SLC22A3: variants seen among roughly 807,000 people sequenced by gnomAD.
SLC22A3 encodes solute carrier family 22 member 3, also known as EMT organic cation transporter 3.
In SLC22A3, 51 loss-of-function variants were observed where a neutral mutation model predicts 59.1. The ratio of observed to expected loss-of-function variants is 0.86; its 90% CI spans 0.69 to 1.09. The LOEUF is 1.09. Among genes scored for constraint, SLC22A3 ranks in the 50% least tolerant of loss-of-function variants. SLC22A3 has a pLI of 0.00. For synonymous variants in SLC22A3, 325 were observed against 292.0 expected (o/e 1.11, Z -1.15); for missense variants, 711 against 726.3 (o/e 0.98, Z 0.24).
intron 2 of SLC22A3, among the ~76,000 whole-genome samples, chr6:160,406,386 C>G (rs1787014745): frequency 6.6e-6 from 1 of 152,200 alleles, no homozygotes; most frequent in African/African-American, 2.4e-5. Flanking sequence ...TCACACCAGT[C>G]TCTCAGAATG....
At chr6:160,413,657 T>TA (rs1183869424) in intron 5 of SLC22A3, among the ~76,000 whole-genome samples, 1 of 152,222 alleles carries the variant, frequency 6.6e-6, no homozygotes, top group East Asian at 1.9e-4. Context: ...CTGTGGTTCT[T>TA]AAAATTCAAT....
intron 9 of SLC22A3, among the ~76,000 whole-genome samples, chr6:160,444,844 C>T (rs1788683421): frequency 6.6e-6 from 1 of 152,220 alleles, no homozygotes; most frequent in African/African-American, 2.4e-5. Context: ...ATGCAAAAGT[C>T]CTTTGACAGT....
intron 5 of SLC22A3, among the ~76,000 whole-genome samples, chr6:160,423,574 T>C (rs1787836431): frequency 6.6e-6 from 1 of 152,242 alleles, no homozygotes; most frequent in Non-Finnish European, 1.5e-5. Flanking sequence ...TTTTCTCTGA[T>C]GGCCAGTGAT....
chr6:160,358,757 C>T lies in SLC22A3; in HGVS notation c.429+9909C>T, dbSNP rs1164505393. On this transcript the variant is annotated intron_variant, in intron 1 of 10. Coordinates refer to ENST00000275300, the MANE Select transcript of SLC22A3 (RefSeq NM_021977.4). ...TGCTCTTTGTCACTAACTGTGGTGC[C>T]CAAGTCCTCCCCTTGCCTGGTCTAG... is the stretch of plus-strand genomic sequence containing the variant. Among the ~76,000 whole-genome samples, 4 of 152,222 alleles carry T rather than the reference C, an allele frequency of 2.6e-5. No homozygotes were observed. The East Asian group carries it at 7.7e-4, about 29-fold the overall frequency.
In SLC22A3 at chr6:160,407,185, C is replaced by T; in HGVS notation, c.678C>T (p.Cys226=). The T allele has an allele frequency of 6.2e-7, 1 of 1,608,508 alleles. No homozygotes were observed. The highest frequency in any genetic ancestry group is 8.5e-7 in the Non-Finnish European group (1 of 1,177,546). ...GVFGKGTWMT[C]YVIVTEIVGS... is the part of the protein sequence containing the mutation. The stretch of plus-strand genomic sequence containing the variant: ...TTGGAAAGGGGACGTGGATGACTTG[C>T]TACGTGATTGGTAAGACATTCTTAC... Residue 226 remains cysteine (C), a synonymous_variant, in exon 3 of 11, where the codon TGC becomes TGT. Coordinates refer to ENST00000275300, the MANE Select transcript of SLC22A3 (RefSeq NM_021977.4).
At chr6:160,355,903 C>T (rs1043659402) in intron 1 of SLC22A3, among the ~76,000 whole-genome samples, 1 of 152,194 alleles carries the variant, frequency 6.6e-6, no homozygotes, top group Non-Finnish European at 1.5e-5. Context: ...CTGGGCTTGG[C>T]TTCCTTTATC....
At position 160,408,939 on chromosome 6, in the gene SLC22A3, A is replaced by G. The variant is rs547047915; in HGVS notation, c.857+18A>G. On this transcript the variant is annotated intron_variant, in intron 4 of 10. Transcript: ENST00000275300. Reference sequence around the variant, plus strand: ...TATTACTGGTAATGTGGTTTTGGTTATCATCATATTTATACTGATTCTGCA... The same window carrying G: ...TATTACTGGTAATGTGGTTTTGGTTGTCATCATATTTATACTGATTCTGCA... 1.2e-6 allele frequency: 2 copies of G among 1,610,040 alleles called. No homozygotes were observed. Among genetic ancestry groups the G allele is most frequent in the East Asian group, 4.5e-5 (2 of 44,820 alleles).
chr6:160,380,849 G>A (rs1047413701), intron 1 of SLC22A3, among the ~76,000 whole-genome samples: 2 of 152,098 alleles, frequency 1.3e-5, no homozygotes, highest in Admixed American at 6.6e-5. Context: ...AAAATACAAC[G>A]GCATTGGGAC....
At chr6:160,364,121 T>C (rs750459314) in intron 1 of SLC22A3, among the ~76,000 whole-genome samples, 2 of 152,254 alleles carry the variant, frequency 1.3e-5, no homozygotes, top group South Asian at 2.1e-4. Context: ...TTGAAATAGC[T>C]ACTACAGGGA....
chr6:160,395,207 A>G (rs528239616), intron 1 of SLC22A3, among the ~76,000 whole-genome samples: 13 of 152,350 alleles, frequency 8.5e-5, no homozygotes, highest in African/African-American at 3.1e-4. Context: ...CTTTTATGGG[A>G]CAGTCAAGAA....
intron 2 of SLC22A3, 54 bp downstream of exon 2, chr6:160,398,136 C>T (rs186388648): frequency 2.3e-4 from 292 of 1,276,552 alleles, no homozygotes; most frequent in South Asian, 6.3e-4. Context: ...TGCATTAATA[C>T]GGGGAGAAAA....
intron 5 of SLC22A3, among the ~76,000 whole-genome samples, chr6:160,419,093 A>G (rs1409664313): frequency 1.3e-5 from 2 of 152,202 alleles, no homozygotes; most frequent in Non-Finnish European, 2.9e-5. Flanking sequence ...CCCATCATCA[A>G]TATAAATGAT....
chr6:160,437,430 T>A (rs1465484984), intron 7 of SLC22A3, among the ~76,000 whole-genome samples: 2 of 152,230 alleles, frequency 1.3e-5, no homozygotes, highest in Non-Finnish European at 2.9e-5. Context: ...CATTTATGAA[T>A]GAAATAGATA....
At position 160,447,712 on chromosome 6, in the gene SLC22A3, T is replaced by A. The variant is rs1788797433; in HGVS notation, c.1511-7T>A. 6.2e-7 allele frequency: 1 copy of A among 1,612,602 alleles called. No homozygotes were observed. The highest frequency in any genetic ancestry group is 1.1e-5 in the South Asian group (1 of 91,040). ...TGGAGCGGTAACACCTTTCCCCTAT[T>A]CCATAGGTATCCTGGCATCCATCTG... On this transcript the variant is annotated splice_region_variant and splice_polypyrimidine_tract_variant and intron_variant, in intron 9 of 10. Coordinates refer to ENST00000275300, the MANE Select transcript of SLC22A3 (RefSeq NM_021977.4).
chr6:160,432,943 T>C (rs1288950590), intron 5 of SLC22A3, among the ~76,000 whole-genome samples: 1 of 152,192 alleles, frequency 6.6e-6, no homozygotes, highest in Non-Finnish European at 1.5e-5. Flanking sequence ...ATAGGAATGA[T>C]AGTAGTATCT....
chr6:160,438,898 C>T (rs1024563007), intron 7 of SLC22A3, among the ~76,000 whole-genome samples: 1 of 152,086 alleles, frequency 6.6e-6, no homozygotes, highest in South Asian at 2.1e-4. Context: ...CTTGGTGTCA[C>T]TCCTATCTCT....
At chr6:160,443,490 T>C (rs889505448) in intron 8 of SLC22A3, 140 bp from the exon 9 acceptor site, 3 of 674,896 alleles carry the variant, frequency 4.4e-6, no homozygotes, top group African/African-American at 3.5e-5. Flanking sequence ...CTTAGAGTTC[T>C]GAGAGTAGTC....
rs1787468156 is a variant in SLC22A3 at position 160,415,919 on chromosome 6, A to G, written c.975+5073A>G. Among the ~76,000 whole-genome samples, 2 of 152,240 alleles carry G rather than the reference A, an allele frequency of 1.3e-5. No homozygotes were observed. The highest frequency in any genetic ancestry group is 4.8e-5 in the African/African-American group (2 of 41,452). ...ATATTACAGATAAGCTAAATTAACT[A>G]CAAACTAAGATTACACCAATCTCCA... On this transcript the variant is annotated intron_variant, in intron 5 of 10. Coordinates refer to ENST00000275300, the MANE Select transcript of SLC22A3 (RefSeq NM_021977.4). The surrounding 1 kb of genome is among the most constrained non-coding windows in gnomAD (Gnocchi z 4.1).
At chr6:160,349,307 G>A (rs2114727270) in intron 1 of SLC22A3, among the ~76,000 whole-genome samples, 1 of 152,266 alleles carries the variant, frequency 6.6e-6, no homozygotes, top group East Asian at 1.9e-4. Context: ...AGGAAAGGGC[G>A]AACCAACGTT....
Sources: allele counts gnomAD v4.1 joint callset (sites outside exome capture counted in the v4.1 genomes callset), GRCh38; gene constraint gnomAD v4.1.1; non-coding constraint Gnocchi (gnomAD v3.1); transcripts MANE v1.5; gene names NCBI Gene and HGNC (gene_info 2026-07-23, HGNC 2026-07-21).